NUP98: variants seen among roughly 807,000 people sequenced by gnomAD.
NUP98 encodes the protein nucleoporin 98 and 96 precursor, also known as nuclear pore complex protein Nup98-Nup96.
NUP98 carries 26 observed loss-of-function variants against 191.9 expected under a neutral mutation model. The ratio of observed to expected loss-of-function variants is 0.14; its 90% confidence interval spans 0.10 to 0.19. NUP98 has a LOEUF of 0.19. Ranked by LOEUF, NUP98 falls within the 10% of genes least tolerant of loss-of-function variation. The pLI, the probability that NUP98 is intolerant of heterozygous loss-of-function variation, is 1.00. For missense variants in NUP98, 1,941 were observed against 2,178.8 expected, an observed-to-expected ratio of 0.89 and a Z score of 2.17; for synonymous variants, 808 against 778.4, an observed-to-expected ratio of 1.04 and a Z score of -0.63.
At chr11:3,731,726 T>A in intron 13 of NUP98, 148 bp from the exon 14 acceptor site, 1 of 483,072 alleles carries the variant, frequency 2.1e-6, no homozygotes, top group Non-Finnish European at 3.6e-6. Context: ...AAAACAAGGA[T>A]GTTAACACCC....
At chr11:3,727,728 A>G (rs1374145087) in intron 14 of NUP98, among the ~76,000 whole-genome samples, 1 of 152,088 alleles carries the variant, frequency 6.6e-6, no homozygotes, top group East Asian at 1.9e-4. Context: ...TCTACAGAAA[A>G]TTTTTTAAAT....
rs1382443213 is a variant in NUP98 at position 3,675,884 on chromosome 11, C to T, written c.*275G>A. On this transcript the variant is annotated 3_prime_UTR_variant, in exon 33 of 33. Coordinates refer to ENST00000324932, the MANE Select transcript of NUP98 (RefSeq NM_016320.5). ...ACCCTGGTTCTTTGGGGGATTCTGC[C>T]AAAGGAGCTTTATTGACCATTTTTT... 4.2e-6 allele frequency: 2 copies of T among 476,960 alleles called. No homozygotes were observed. The highest frequency in any genetic ancestry group is 7.6e-6 in the Non-Finnish European group (2 of 263,542). The allele number at this position is 476,960 out of a possible 1,614,324, so 29.5% of individuals were successfully genotyped here.
At chr11:3,706,414 C>G in intron 21 of NUP98, 31 bp downstream of exon 21, 1 of 1,607,100 alleles carries the variant, frequency 6.2e-7, no homozygotes, top group South Asian at 1.1e-5. Context: ...GTTTGGCTTT[C>G]TGTTACAAAA....
intron 2 of NUP98, among the ~76,000 whole-genome samples, chr11:3,780,541 C>CAAAAAAAAAAAAAAAA (rs142060672): frequency 5.3e-5 from 4 of 74,796 alleles, no homozygotes; most frequent in Non-Finnish European, 7.5e-5. Flanking sequence ...GACTCCATCT[C>CAAAAAAAAAAAAAAAA]AAAAAAAAAA....
At chr11:3,711,213 A>G (rs1312874262) in intron 20 of NUP98, among the ~76,000 whole-genome samples, 1 of 151,502 alleles carries the variant, frequency 6.6e-6, no homozygotes, top group African/African-American at 2.4e-5. Flanking sequence ...CCAGTGCACT[A>G]CAGCCTGGGC....
At chr11:3,710,380 T>C (rs755741857) in intron 20 of NUP98, among the ~76,000 whole-genome samples, 4 of 152,262 alleles carry the variant, frequency 2.6e-5, no homozygotes, top group Non-Finnish European at 5.9e-5. Context: ...TTATGTTTTC[T>C]GGTTGCTTAG....
chr11:3,681,524 A>G (rs1452202066), intron 30 of NUP98, among the ~76,000 whole-genome samples: 1 of 152,246 alleles, frequency 6.6e-6, no homozygotes, highest in East Asian at 1.9e-4. Context: ...GTTAGCAGGC[A>G]TAAAAACATT....
chr11:3,712,350 C>T, intron 20 of NUP98: 1 of 1,366,828 alleles, frequency 7.3e-7, no homozygotes, highest in Non-Finnish European at 9.4e-7. Context: ...GAGGAATAAT[C>T]CAAACAGCAA....
chr11:3,692,935 G>A (rs915498383), intron 27 of NUP98: 1 of 264,010 alleles, frequency 3.8e-6, no homozygotes, highest in Non-Finnish European at 7.1e-6. Context: ...TCAGAACTAA[G>A]TTTGAAGATA....
intron 8 of NUP98, among the ~76,000 whole-genome samples, chr11:3,766,768 G>A (rs1023182826): frequency 2.4e-4 from 36 of 151,394 alleles, no homozygotes; most frequent in Non-Finnish European, 4.7e-4. Context: ...TGGCTATTCC[G>A]GGTTCCTTCT....
At chr11:3,724,099 T>C (rs1255227556) in intron 15 of NUP98, among the ~76,000 whole-genome samples, 1 of 152,008 alleles carries the variant, frequency 6.6e-6, no homozygotes, top group African/African-American at 2.4e-5. Flanking sequence ...GAATATATCA[T>C]TCGTGCATAA....
intron 1 of NUP98, among the ~76,000 whole-genome samples, chr11:3,788,421 G>C (rs1157571607): frequency 1.3e-5 from 2 of 152,024 alleles, no homozygotes; most frequent in African/African-American, 4.8e-5. Context: ...TGGCCTACAT[G>C]GTGAAACCCC....
chr11:3,774,675 C>T (rs2133918318), intron 5 of NUP98, among the ~76,000 whole-genome samples: 1 of 152,130 alleles, frequency 6.6e-6, no homozygotes, highest in East Asian at 1.9e-4. Flanking sequence ...CAAGATTGCA[C>T]CACTGCGCTC....
chr11:3,738,259 A>T (rs1387707286), intron 12 of NUP98, among the ~76,000 whole-genome samples: 1 of 152,212 alleles, frequency 6.6e-6, no homozygotes, highest in Admixed American at 6.5e-5. Context: ...AAGAAAACAA[A>T]CAAGCACTAG....
rs34704470 is a variant in NUP98 at position 3,781,185 on chromosome 11, C to CAAAA, written c.76+853_76+856dup. The stretch of plus-strand genomic sequence containing the variant: ...TCGGTGACAGTGCAGGATCCTATCT[C>CAAAA]AAAAAAAAAAAAAAAAAAAAAAAAT... On this transcript the variant is annotated intron_variant, in intron 2 of 32. Transcript: ENST00000324932. 2.1e-3 allele frequency among the ~76,000 whole-genome samples: 146 copies of CAAAA among 68,986 alleles called. 1 individual carries two copies. Among genetic ancestry groups the CAAAA allele is most frequent in the African/African-American group, 7.9e-3 (140 of 17,814 alleles). The allele number at this position is 68,986 out of a possible 152,430, so 45.3% of individuals were successfully genotyped here. A position where few individuals can be genotyped will look rare whatever the true frequency, so the allele number is the denominator to read the frequency against.
At chr11:3,770,395 C>G (rs529860299) in intron 7 of NUP98, among the ~76,000 whole-genome samples, 244 of 151,970 alleles carry the variant, frequency 1.6e-3, no homozygotes, top group African/African-American at 5.1e-3. Context: ...GGAGAATCAC[C>G]TGAGCCCAGG....
chr11:3,712,613 G>C lies in NUP98; in HGVS notation c.2693C>G (p.Thr898Ser), dbSNP rs371207748. ...ATTAAGAGCCATCTGCAAGGGCGTA[G>C]TCTGGCTTGCAGGAGGCAAAGGAGC... Reference protein sequence around the residue: ...KTAPLPPASQTTPLQMALNGK... With the variant: ...KTAPLPPASQSTPLQMALNGK... Residue 898 changes from threonine to serine, a missense_variant, in exon 20 of 33, where the codon ACT becomes AGT. By Grantham distance (58) the Thr-to-Ser change is moderately conservative (BLOSUM62 1). Coordinates refer to ENST00000324932, the MANE Select transcript of NUP98 (RefSeq NM_016320.5). The C allele has an allele frequency of 1.9e-5, 31 of 1,613,972 alleles. No individual in the cohort carries two copies. The highest frequency in any genetic ancestry group is 2.5e-5 in the Non-Finnish European group (29 of 1,180,020).
chr11:3,683,410 T>C lies in NUP98; in HGVS notation c.4708A>G (p.Thr1570Ala). The change falls in exon 30 of 33, where the codon ACC (threonine) becomes GCC (alanine). Residue 1570 changes from threonine (T) to alanine (A), a missense_variant. Physicochemically the swap from Thr to Ala is moderately conservative, Grantham distance 58. This residue lies in a region of NUP98 where 1,030 missense variants were observed against 1,115.8 expected (regional missense o/e 0.92). Transcript: ENST00000324932. The part of the protein sequence containing the change: ...IREKAVRELL[T>A]RHCQLLETPE... ...GTCTCCAACAGCTGGCAGTGCCGGG[T>C]AAGCAGCTCTCGAACAGCCTTCTCA... 1.9e-6 allele frequency: 3 copies of C among 1,614,114 alleles called. No individual in the cohort carries two copies. Among genetic ancestry groups the C allele is most frequent in the Non-Finnish European group, 2.5e-6 (3 of 1,180,022 alleles).
chr11:3,721,242 C>T (rs61879830), intron 16 of NUP98, among the ~76,000 whole-genome samples: 7,707 of 152,058 alleles, frequency 0.051, 253 homozygotes, highest in Middle Eastern at 0.099. Context: ...CACAAGGATA[C>T]CAAAACCTAC....
Sources: allele counts gnomAD v4.1 joint callset (sites outside exome capture counted in the v4.1 genomes callset), GRCh38; gene constraint gnomAD v4.1.1; regional missense constraint gnomAD v4.1.1; transcripts MANE v1.5; gene names NCBI Gene and HGNC (gene_info 2026-07-23, HGNC 2026-07-21).